The following DNAH8 variants were observed in gnomAD, a reference collection of about 807,000 sequenced individuals.
The protein encoded by DNAH8 is dynein axonemal heavy chain 8.
Under a neutral mutation model 562.1 loss-of-function variants are expected in DNAH8, and 382 were observed. The observed-to-expected ratio is 0.68, with a 90% confidence interval of 0.63 to 0.74. The LOEUF (loss-of-function observed/expected upper bound fraction) is 0.74. Ranked by LOEUF, DNAH8 falls within the 30% of genes least tolerant of loss-of-function variation. The pLI is 0.00. For synonymous variants in DNAH8, 1,881 were observed against 1,919.4 expected, an observed-to-expected ratio of 0.98 and a Z score of 0.52; for missense variants, 5,203 against 5,620.4, an observed-to-expected ratio of 0.93 and a Z score of 2.37.
At chr6:38,983,933 G>C (rs1461095015) in intron 86 of DNAH8, among the ~76,000 whole-genome samples, 1 of 152,166 alleles carries the variant, frequency 6.6e-6, no homozygotes, top group Non-Finnish European at 1.5e-5. Context: ...TATATCCCCA[G>C]AGTGAAAATT....
chr6:38,716,120 G>A (rs535256969), intron 1 of DNAH8, among the ~76,000 whole-genome samples: 76 of 149,906 alleles, frequency 5.1e-4, no homozygotes, highest in African/African-American at 1.8e-3. Context: ...CATCACGCCC[G>A]GCTAATTTTT....
At chr6:38,768,963 T>C (rs1478028554) in intron 11 of DNAH8, among the ~76,000 whole-genome samples, 2 of 152,226 alleles carry the variant, frequency 1.3e-5, no homozygotes, top group Non-Finnish European at 2.9e-5. Flanking sequence ...GAACCATAAC[T>C]CTTTACATAG....
intron 12 of DNAH8, among the ~76,000 whole-genome samples, chr6:38,775,030 G>A (rs1443002226): frequency 6.6e-6 from 1 of 152,196 alleles, no homozygotes; most frequent in East Asian, 1.9e-4. Flanking sequence ...TCTTCATGGT[G>A]TGTGTGGTAT....
chr6:38,991,277 T>C (rs1017299242), intron 88 of DNAH8, among the ~76,000 whole-genome samples: 5 of 152,150 alleles, frequency 3.3e-5, no homozygotes, highest in Non-Finnish European at 7.3e-5. Context: ...GCGGACATGA[T>C]TGAAAATACC....
chr6:38,815,797 A>AT, intron 26 of DNAH8, 140 bp downstream of exon 26: 3 of 783,862 alleles, frequency 3.8e-6, no homozygotes, highest in South Asian at 5.8e-5. Context: ...ACGTGCAGGC[A>AT]TTTTTTCCTG....
chr6:38,994,244 T>C (rs924101744), intron 88 of DNAH8, among the ~76,000 whole-genome samples: 3 of 152,202 alleles, frequency 2.0e-5, no homozygotes, highest in African/African-American at 7.2e-5. Flanking sequence ...TTTTATTTAA[T>C]TTTAGGACTT....
intron 60 of DNAH8, among the ~76,000 whole-genome samples, chr6:38,896,694 A>G (rs1162901310): frequency 6.6e-6 from 1 of 152,128 alleles, no homozygotes; most frequent in Non-Finnish European, 1.5e-5. Context: ...ACCTATACCA[A>G]GGGTTGGCAA....
intron 91 of DNAH8, among the ~76,000 whole-genome samples, chr6:39,025,225 A>G (rs1767195124): frequency 6.6e-6 from 1 of 152,130 alleles, no homozygotes; most frequent in Admixed American, 6.5e-5. Flanking sequence ...CTCAAGAGTC[A>G]TCTTCCACTT....
In DNAH8 at chr6:38,873,757, CA is replaced by C. The variant is rs1777671822; in HGVS notation, c.7620+382del. Among the ~76,000 whole-genome samples the C allele has an allele frequency of 1.5e-4, 8 of 52,138 alleles. No individual in the cohort carries two copies. In the South Asian group the frequency reaches 6.0e-3, roughly 39 times the overall value. 34.2% of individuals were successfully genotyped at this position (52,138 alleles called of 152,430 possible). A position where few individuals can be genotyped will look rare whatever the true frequency, so the allele number is the denominator to read the frequency against. ...ACACACACACACACACACACACACACACACACACACACCCCTGCACTCCAGC... is the reference window on the plus strand; with the variant it reads ...ACACACACACACACACACACACACACCACACACACACCCCTGCACTCCAGC... On this transcript the variant is annotated intron_variant, in intron 52 of 92. Coordinates refer to ENST00000327475, the MANE Select transcript of DNAH8 (RefSeq NM_001206927.2).
chr6:38,953,572 A>G (rs1240248692), intron 82 of DNAH8, among the ~76,000 whole-genome samples: 1 of 152,192 alleles, frequency 6.6e-6, no homozygotes, highest in African/African-American at 2.4e-5. Context: ...GGGTACTGGA[A>G]CAACATAGAT....
intron 82 of DNAH8, among the ~76,000 whole-genome samples, chr6:38,959,952 G>A (rs1001475860): frequency 1.3e-5 from 2 of 151,982 alleles, no homozygotes; most frequent in African/African-American, 2.4e-5. Flanking sequence ...AGAAACCAGA[G>A]ATAAACCCAT....
rs561435329 is a variant in DNAH8 at position 38,821,363 on chromosome 6, A to T, written c.3524-1475A>T. Among the ~76,000 whole-genome samples, 161 of 152,320 alleles carry T rather than the reference A, an allele frequency of 1.1e-3. 1 individual carries two copies. The highest frequency in any genetic ancestry group is 3.5e-3 in the African/African-American group (147 of 41,586). On this transcript the variant is annotated intron_variant, in intron 26 of 92. Transcript: ENST00000327475. The stretch of plus-strand genomic sequence containing the variant: ...ATACATCATGCTCATGGGTTGGAAG[A>T]TCTAATATTATTAAACTGGCAGTTC...
In DNAH8 at chr6:38,929,487, G is replaced by A. The variant is rs768798201; in HGVS notation, c.11119-24G>A. On this transcript the variant is annotated intron_variant, in intron 74 of 92. Coordinates refer to ENST00000327475, the MANE Select transcript of DNAH8 (RefSeq NM_001206927.2). ...GGGCACATTCTTTGTAACACAGATA[G>A]ACCAATGAGTTCTTTCTGTTTAGGT... 5.4e-5 allele frequency: 86 copies of A among 1,596,080 alleles called. 1 individual carries two copies. The South Asian group carries it at 8.3e-4, about 15-fold the overall frequency.
At chr6:38,834,371 A>G (rs1279358425) in intron 31 of DNAH8, among the ~76,000 whole-genome samples, 1 of 152,214 alleles carries the variant, frequency 6.6e-6, no homozygotes, top group Non-Finnish European at 1.5e-5. Context: ...ATTGACTTGT[A>G]CACTTTAAAT....
At chr6:38,919,200 T>G (rs1781518380) in intron 70 of DNAH8, among the ~76,000 whole-genome samples, 1 of 152,158 alleles carries the variant, frequency 6.6e-6, no homozygotes, top group Non-Finnish European at 1.5e-5. Context: ...ATAAATAAAA[T>G]AGCATAAAAT....
At chr6:38,970,245 G>A (rs1763244048) in intron 82 of DNAH8, among the ~76,000 whole-genome samples, 1 of 152,128 alleles carries the variant, frequency 6.6e-6, no homozygotes, top group Non-Finnish European at 1.5e-5. Context: ...TTGAACATTT[G>A]TGTGTTCTTC....
intron 85 of DNAH8, among the ~76,000 whole-genome samples, chr6:38,980,564 T>C (rs1379485128): frequency 6.6e-6 from 1 of 152,138 alleles, no homozygotes; most frequent in African/African-American, 2.4e-5. Context: ...TTACAAACCC[T>C]AAGTCCAAAT....
chr6:38,913,812 G>T, intron 66 of DNAH8, 37 bp from the exon 67 acceptor site: 7 of 1,363,050 alleles, frequency 5.1e-6, no homozygotes, highest in East Asian at 2.3e-5. Context: ...GCATATACCT[G>T]TACTCAGTAA....
chr6:38,865,591 C>A (rs1776969723), intron 45 of DNAH8, among the ~76,000 whole-genome samples: 2 of 152,204 alleles, frequency 1.3e-5, no homozygotes, highest in African/African-American at 4.8e-5. Flanking sequence ...CAGAAAGCAT[C>A]TCTATTGTGT....
Sources: allele counts gnomAD v4.1 joint callset (sites outside exome capture counted in the v4.1 genomes callset), GRCh38; gene constraint gnomAD v4.1.1; transcripts MANE v1.5; gene names NCBI Gene and HGNC (gene_info 2026-07-23, HGNC 2026-07-21).